The following FOXK2 variants were observed in gnomAD, a reference collection of about 807,000 sequenced individuals.
The protein encoded by FOXK2 is forkhead box K2, also known as forkhead box protein K2.
FOXK2 carries 24 observed loss-of-function variants against 53.3 expected under a neutral mutation model. The observed-to-expected ratio is 0.45, with a 90% confidence interval of 0.33 to 0.63. FOXK2 has a LOEUF of 0.63. Among genes scored for constraint, FOXK2 ranks in the 30% least tolerant of loss-of-function variants. FOXK2 has a pLI of 0.03. For missense variants in FOXK2, 952 were observed against 910.5 expected (o/e 1.05, Z -0.59); for synonymous variants, 505 against 407.1 (o/e 1.24, Z -2.89).
At chr17:82,580,146 T>C (rs373697602) in intron 4 of FOXK2, among the ~76,000 whole-genome samples, 95 of 96,042 alleles carry the variant, frequency 9.9e-4, no homozygotes, top group South Asian at 3.9e-3. Context: ...ACACATGGCC[T>C]AGCCCTCCTC....
intron 4 of FOXK2, chr17:82,576,612 C>A: frequency 9.5e-7 from 1 of 1,051,812 alleles, no homozygotes; most frequent in Non-Finnish European, 1.5e-6. Flanking sequence ...AGGGAGGACC[C>A]AGTGCCGCAG....
chr17:82,562,592 AG>A (rs2044808964), intron 1 of FOXK2, among the ~76,000 whole-genome samples: 1 of 151,756 alleles, frequency 6.6e-6, no homozygotes, highest in Non-Finnish European at 1.5e-5. Context: ...AAAAAAAAAA[AG>A]GAAAGGAATT....
Position 82,601,350 on chromosome 17 carries a change from G to A in FOXK2, c.1834G>A (p.Ala612Thr), listed in dbSNP as rs747761209. ...GTTGGCAACACACGCATCCGCATCGGCCTCCCTGCCCACAAAGCGCCACAA... is the reference window on the plus strand; with the variant it reads ...GTTGGCAACACACGCATCCGCATCGACCTCCCTGCCCACAAAGCGCCACAA... Reference protein sequence around the residue: ...HMLATHASASASLPTKRHNGD... With the variant: ...HMLATHASASTSLPTKRHNGD... Residue 612 changes from alanine (A) to threonine (T), a missense_variant, in exon 9 of 9, where the codon GCC (alanine) becomes ACC (threonine). Ala to Thr is a moderately conservative substitution (Grantham distance 58). Around this residue, in one of 5 missense-constraint regions of FOXK2, gnomAD observed 551 missense variants for 385.1 expected, o/e 1.43. Coordinates refer to ENST00000335255, the MANE Select transcript of FOXK2 (RefSeq NM_004514.4). 1 of 1,613,302 alleles carries A rather than the reference G, an allele frequency of 6.2e-7. No individual in the cohort carries two copies. The highest frequency in any genetic ancestry group is 2.2e-5 in the East Asian group (1 of 44,878).
At chr17:82,527,904 G>A (rs1330083534) in intron 1 of FOXK2, among the ~76,000 whole-genome samples, 2 of 152,228 alleles carry the variant, frequency 1.3e-5, no homozygotes, top group Non-Finnish European at 2.9e-5. Context: ...GGACTCAAGC[G>A]ATCTTCCCAC....
chr17:82,588,860 C>A (rs1349993243), intron 8 of FOXK2, among the ~76,000 whole-genome samples: 1 of 145,376 alleles, frequency 6.9e-6, no homozygotes, highest in Non-Finnish European at 1.5e-5. Flanking sequence ...ACCAGCCTGG[C>A]CAACATGGTG....
chr17:82,590,528 A>G (rs1018065958), intron 8 of FOXK2, among the ~76,000 whole-genome samples: 6 of 152,060 alleles, frequency 3.9e-5, no homozygotes, highest in Admixed American at 3.3e-4. Context: ...TCCTTTGCCC[A>G]TCATTTAATT....
chr17:82,521,724 G>A (rs1238001699), intron 1 of FOXK2, among the ~76,000 whole-genome samples: 2 of 147,970 alleles, frequency 1.4e-5, no homozygotes, highest in African/African-American at 4.9e-5. Context: ...GAGGTCAGGA[G>A]GTCGAGACCA....
chr17:82,578,454 C>A (rs142419122), intron 4 of FOXK2: 1 of 152,336 alleles, frequency 6.6e-6, no homozygotes, highest in East Asian at 1.9e-4. Flanking sequence ...TTTAAAATTT[C>A]TGAATCATTA....
In FOXK2 at chr17:82,602,332, C is replaced by A. The variant is rs1309593130; in HGVS notation, c.*833C>A. On this transcript the variant is annotated 3_prime_UTR_variant, in exon 9 of 9. Transcript: ENST00000335255. The stretch of plus-strand genomic sequence containing the variant: ...TCTGGCTATTTTTTGTTGTTTGTTT[C>A]TTTGTGTTGACTTTGTCCCTGGCAA... 2.0e-5 allele frequency: 3 copies of A among 152,198 alleles called. No individual in the cohort carries two copies. Among genetic ancestry groups the A allele is most frequent in the Non-Finnish European group, 2.9e-5 (2 of 68,038 alleles). 9.4% of individuals were successfully genotyped at this position (152,198 alleles called of 1,614,324 possible). A position where few individuals can be genotyped will look rare whatever the true frequency, so the allele number is the denominator to read the frequency against.
chr17:82,544,673 A>T (rs2044606073), intron 1 of FOXK2, among the ~76,000 whole-genome samples: 1 of 152,210 alleles, frequency 6.6e-6, no homozygotes, highest in South Asian at 2.1e-4. Context: ...ATTTCAGGTC[A>T]GATTTTTTGG....
chr17:82,604,465 CAAG>C lies in FOXK2; in HGVS notation c.*2967_*2969del, dbSNP rs563229180. 577 of 152,606 alleles carry C rather than the reference CAAG, an allele frequency of 3.8e-3. 4 individuals carry two copies. The highest frequency in any genetic ancestry group is 5.1e-3 in the Non-Finnish European group (347 of 68,028). The allele number at this position is 152,606 out of a possible 1,614,324, so 9.5% of individuals were successfully genotyped here. A position where few individuals can be genotyped will look rare whatever the true frequency, so the allele number is the denominator to read the frequency against. ...CTTGGGGTTTCTGTGCTGTGTGACACAAGGAGATAAGTGACAATCTTGAAGTCC... is the reference window on the plus strand; with the variant it reads ...CTTGGGGTTTCTGTGCTGTGTGACACGAGATAAGTGACAATCTTGAAGTCC... On this transcript the variant is annotated 3_prime_UTR_variant, in exon 9 of 9. Coordinates refer to ENST00000335255, the MANE Select transcript of FOXK2 (RefSeq NM_004514.4).
chr17:82,553,778 G>A (rs926919334), intron 1 of FOXK2, among the ~76,000 whole-genome samples: 4 of 152,168 alleles, frequency 2.6e-5, no homozygotes, highest in African/African-American at 9.7e-5. Context: ...CCAGACGGAC[G>A]TTTGTCCCGT....
At chr17:82,536,666 C>T (rs897579030) in intron 1 of FOXK2, among the ~76,000 whole-genome samples, 3 of 152,138 alleles carry the variant, frequency 2.0e-5, no homozygotes, top group Non-Finnish European at 4.4e-5. Flanking sequence ...AGGGATCAGC[C>T]CAGAGTGAAA....
intron 8 of FOXK2, among the ~76,000 whole-genome samples, chr17:82,589,189 T>C (rs1021585903): frequency 1.4e-4 from 22 of 152,224 alleles, no homozygotes; most frequent in African/African-American, 4.8e-4. Context: ...TTTTACGGGA[T>C]TATTTTCAGT....
At chr17:82,558,325 G>A (rs1259923025) in intron 1 of FOXK2, among the ~76,000 whole-genome samples, 7 of 152,186 alleles carry the variant, frequency 4.6e-5, no homozygotes, top group Non-Finnish European at 8.8e-5. Context: ...GCTACGGAGC[G>A]AGACCCTGCC....
chr17:82,544,847 C>T (rs1209225224), intron 1 of FOXK2, among the ~76,000 whole-genome samples: 2 of 152,048 alleles, frequency 1.3e-5, no homozygotes, highest in Non-Finnish European at 2.9e-5. Flanking sequence ...TCTGTGTCTG[C>T]AGTGCTACTG....
intron 1 of FOXK2, among the ~76,000 whole-genome samples, chr17:82,540,800 A>C (rs1265221747): frequency 6.6e-6 from 1 of 152,224 alleles, no homozygotes; most frequent in African/African-American, 2.4e-5. Context: ...CCCACTAACA[A>C]GGTTGACAGC....
intron 2 of FOXK2, among the ~76,000 whole-genome samples, chr17:82,566,377 T>C (rs528680077): frequency 2.3e-3 from 353 of 152,248 alleles, no homozygotes; most frequent in South Asian, 4.4e-3. Flanking sequence ...CATCAGGGCC[T>C]TCTCGTTGCT....
chr17:82,555,885 C>CAAAAAAAAA (rs71168116), intron 1 of FOXK2, among the ~76,000 whole-genome samples: 149 of 74,238 alleles, frequency 2.0e-3, no homozygotes, highest in Non-Finnish European at 2.5e-3. Flanking sequence ...GACTCTATCA[C>CAAAAAAAAA]AAAAAAAAAA....
Sources: gnomAD v4.1 joint callset for allele counts (sites outside exome capture counted in the v4.1 genomes callset) on GRCh38, gnomAD v4.1.1 for gene constraint, gnomAD v4.1.1 regional missense constraint, MANE v1.5 for transcripts, NCBI Gene and HGNC (gene_info 2026-07-23, HGNC 2026-07-21) for gene names.